The following GAST variants were observed in gnomAD, a reference collection of about 807,000 sequenced individuals.
GAST encodes the protein preprogastrin.
In GAST, 9 loss-of-function variants were observed where a neutral mutation model predicts 12.5. The observed-to-expected ratio is 0.72, with a 90% CI of 0.43 to 1.25. The LOEUF is 1.25. Among genes scored for constraint, GAST ranks in the 50% most tolerant of loss-of-function variants. The pLI is 0.00. For synonymous variants in GAST, 52 were observed against 51.1 expected, an observed-to-expected ratio of 1.02 and a Z score of -0.08; for missense variants, 121 against 127.7, an observed-to-expected ratio of 0.95 and a Z score of 0.25.
chr17:41,715,897 C>G lies in GAST; in HGVS notation c.*25C>G. ...ACAATCCTAGAACCAAGCTTCAGAG[C>G]CTAGCCACCTCCCACCCCACTCCAG... On this transcript the variant is annotated 3_prime_UTR_variant, in exon 3 of 3. Transcript: ENST00000329402. 1 of 1,546,376 alleles carries G rather than the reference C, an allele frequency of 6.5e-7. No homozygotes were observed. Among genetic ancestry groups the G allele is most frequent in the Non-Finnish European group, 8.8e-7 (1 of 1,141,558 alleles).
At chr17:41,714,068 C>T (rs1035359808) in intron 1 of GAST, among the ~76,000 whole-genome samples, 2 of 152,202 alleles carry the variant, frequency 1.3e-5, no homozygotes, top group African/African-American at 4.8e-5. Context: ...TCAGTGTGAG[C>T]TGGCCAAGCA....
At position 41,715,627 on chromosome 17, in the gene GAST, GT is replaced by G. The variant is rs781790503; in HGVS notation, c.192del (p.Pro66HisfsTer?). 2 of 1,613,640 alleles carry G rather than the reference GT, an allele frequency of 1.2e-6. No homozygotes were observed. Among genetic ancestry groups the G allele is most frequent in the Admixed American group, 3.3e-5 (2 of 59,984 alleles). On this transcript the variant is annotated frameshift_variant, in exon 2 of 3. Coordinates refer to ENST00000329402, the MANE Select transcript of GAST (RefSeq NM_000805.5). LOFTEE classifies it high-confidence loss of function. ...CATCGAAGGCAGCTGGGACCCCAGG[GT>G]CCCCCACACCTCGTGGCAGGTAGGA... Reference protein sequence around the residue: ...SHHRRQLGPQGPPHLVADPSK... With the variant: ...SHHRRQLGPQXPPHLVADPSK...
In GAST at chr17:41,712,606, G is replaced by A. The variant is rs987344444; in HGVS notation, c.-6+219G>A. 4.6e-5 allele frequency among the ~76,000 whole-genome samples: 7 copies of A among 152,182 alleles called. No individual in the cohort carries two copies. The South Asian group carries it at 6.2e-4, about 14-fold the overall frequency. On this transcript the variant is annotated intron_variant, in intron 1 of 2. Coordinates refer to ENST00000329402, the MANE Select transcript of GAST (RefSeq NM_000805.5). ...TTCCACCTGCCCTTCTGCCGCAGCC[G>A]GGGCCCTGCCCTTAGCCTATCCCTT... is the stretch of plus-strand genomic sequence containing the variant.
At chr17:41,714,957 G>T (rs1490112032) in intron 1 of GAST, among the ~76,000 whole-genome samples, 1 of 152,104 alleles carries the variant, frequency 6.6e-6, no homozygotes, top group Admixed American at 6.5e-5. Context: ...TGTGGAACTG[G>T]CAGAAACTGG....
chr17:41,713,016 A>T (rs1280814197), intron 1 of GAST, among the ~76,000 whole-genome samples: 1 of 152,016 alleles, frequency 6.6e-6, no homozygotes, highest in Non-Finnish European at 1.5e-5. Context: ...CCCAGGTTCA[A>T]GCAATTCTCC....
chr17:41,713,678 G>A (rs1294200605), intron 1 of GAST, among the ~76,000 whole-genome samples: 3 of 152,044 alleles, frequency 2.0e-5, no homozygotes, highest in African/African-American at 7.3e-5. Flanking sequence ...TCCAGCCTGG[G>A]AGACAGAGCA....
chr17:41,715,310 A>T, intron 1 of GAST, 122 bp from the exon 2 acceptor site: 1 of 729,926 alleles, frequency 1.4e-6, no homozygotes. Context: ...AAAAAAAAAA[A>T]AAAGAAAGAA....
At position 41,715,536 on chromosome 17, in the gene GAST, T is replaced by C. The variant is rs782644590; in HGVS notation, c.100T>C (p.Leu34=). 1.4e-5 allele frequency: 23 copies of C among 1,613,580 alleles called. No homozygotes were observed. Among genetic ancestry groups the C allele is most frequent in the Non-Finnish European group, 1.9e-5 (22 of 1,180,026 alleles). The change falls in exon 2 of 3, where the codon TTA becomes CTA. Residue 34 remains leucine (L), a synonymous_variant. Transcript: ENST00000329402. ...CCGCTCCCAGCAGCCAGATGCACCC[T>C]TAGGTACAGGGGCCAACAGGGACCT... is the stretch of plus-strand genomic sequence containing the variant. The part of the protein sequence containing the change: ...KPRSQQPDAP[L]GTGANRDLEL...
At chr17:41,714,290 G>A (rs1171467878) in intron 1 of GAST, among the ~76,000 whole-genome samples, 4 of 151,868 alleles carry the variant, frequency 2.6e-5, no homozygotes, top group Middle Eastern at 3.2e-3. Flanking sequence ...CTCCCACCTC[G>A]GCCTCCCAAG....
At chr17:41,713,984 C>A (rs1910914454) in intron 1 of GAST, among the ~76,000 whole-genome samples, 3 of 152,120 alleles carry the variant, frequency 2.0e-5, no homozygotes, top group Admixed American at 2.0e-4. Flanking sequence ...TTAACTGCTT[C>A]ATTATAATCA....
chr17:41,714,199 G>T (rs1421766666), intron 1 of GAST, among the ~76,000 whole-genome samples: 4 of 152,072 alleles, frequency 2.6e-5, no homozygotes, highest in African/African-American at 7.2e-5. Context: ...TTGAGACAGG[G>T]TCTCACTCTG....
chr17:41,713,563 A>G (rs1314493786), intron 1 of GAST, among the ~76,000 whole-genome samples: 1 of 151,926 alleles, frequency 6.6e-6, no homozygotes, highest in Non-Finnish European at 1.5e-5. Flanking sequence ...TGGGCATAGT[A>G]GTGCACACTT....
intron 1 of GAST, among the ~76,000 whole-genome samples, chr17:41,713,285 A>T (rs1161639304): frequency 6.6e-6 from 1 of 152,214 alleles, no homozygotes; most frequent in East Asian, 1.9e-4. Flanking sequence ...GCACTGAACA[A>T]CACATGTGGT....
chr17:41,713,276 C>A (rs1441704280), intron 1 of GAST, among the ~76,000 whole-genome samples: 1 of 152,124 alleles, frequency 6.6e-6, no homozygotes, highest in African/African-American at 2.4e-5. Flanking sequence ...GTGGCTATAG[C>A]ACTGAACAAC....
chr17:41,715,582 A>G lies in GAST; in HGVS notation c.146A>G (p.Gln49Arg). The G allele has an allele frequency of 6.2e-7, 1 of 1,613,616 alleles. No homozygotes were observed. The highest frequency in any genetic ancestry group is 8.5e-7 in the Non-Finnish European group (1 of 1,180,008). The change falls in exon 2 of 3, where the codon CAG becomes CGG. Residue 49 changes from glutamine to arginine, a missense_variant. By Grantham distance (43) the Gln-to-Arg change is conservative. Transcript: ENST00000329402. ...NRDLELPWLEQQGPASHHRRQ... is the reference protein window; with the variant it reads ...NRDLELPWLERQGPASHHRRQ... Reference sequence around the variant, plus strand: ...GACCTGGAGCTACCCTGGCTGGAGCAGCAGGGCCCAGCCTCTCATCATCGA... The same window carrying G: ...GACCTGGAGCTACCCTGGCTGGAGCGGCAGGGCCCAGCCTCTCATCATCGA...
intron 1 of GAST, 118 bp from the exon 2 acceptor site, chr17:41,715,309 AAAAAG>A (rs1244437619): frequency 1.1e-5 from 8 of 728,406 alleles, no homozygotes; most frequent in South Asian, 3.8e-5. Context: ...TAAAAAAAAA[AAAAAG>A]AAAGAATTGC....
chr17:41,714,788 A>C (rs1448315249), intron 1 of GAST, among the ~76,000 whole-genome samples: 3 of 151,998 alleles, frequency 2.0e-5, no homozygotes, highest in East Asian at 3.9e-4. Context: ...AAATAAATAA[A>C]TTACATTACT....
At chr17:41,715,277 G>T (rs1910943012) in intron 1 of GAST, among the ~76,000 whole-genome samples, 155 bp from the exon 2 acceptor site, 1 of 148,844 alleles carries the variant, frequency 6.7e-6, no homozygotes, top group Non-Finnish European at 1.5e-5. Flanking sequence ...TCCAGCCTGG[G>T]CAACAAGAGT....
rs149536370 is a variant in GAST at position 41,715,635 on chromosome 17, C to T, written c.199C>T (p.His67Tyr). The change falls in exon 2 of 3, where the codon CAC becomes TAC. Residue 67 changes from histidine to tyrosine, a missense_variant. Physicochemically the swap from His to Tyr is moderately conservative, Grantham distance 83. Coordinates refer to ENST00000329402, the MANE Select transcript of GAST (RefSeq NM_000805.5). ...RRQLGPQGPP[H>Y]LVADPSKKQG... ...GCAGCTGGGACCCCAGGGTCCCCCA[C>T]ACCTCGTGGCAGGTAGGAGCTGCTG... is the stretch of plus-strand genomic sequence containing the variant. 1 of 1,613,534 alleles carries T rather than the reference C, an allele frequency of 6.2e-7. No homozygotes were observed. The highest frequency in any genetic ancestry group is 8.5e-7 in the Non-Finnish European group (1 of 1,179,762).
Sources: allele counts gnomAD v4.1 joint callset (sites outside exome capture counted in the v4.1 genomes callset), GRCh38; gene constraint gnomAD v4.1.1; transcripts MANE v1.5; gene names NCBI Gene and HGNC (gene_info 2026-07-23, HGNC 2026-07-21).